Variants in TAFA1 observed in about 807,000 individuals in gnomAD.
The protein encoded by TAFA1 is TAFA chemokine like family member 1, also known as chemokine-like protein TAFA-1.
TAFA1 carries 4 observed loss-of-function variants against 18.5 expected under a neutral mutation model. That is an observed-to-expected ratio of 0.22 (90% CI 0.11 to 0.49). The LOEUF (loss-of-function observed/expected upper bound fraction) is 0.49. TAFA1 is among the 20% of genes least tolerant of loss of function. TAFA1 has a pLI of 0.98. For synonymous variants in TAFA1, 56 were observed against 55.2 expected (o/e 1.01, Z -0.06); for missense variants, 147 against 169.0 (o/e 0.87, Z 0.72).
At chr3:68,259,558 C>A (rs916296434) in intron 2 of TAFA1, among the ~76,000 whole-genome samples, 1 of 152,108 alleles carries the variant, frequency 6.6e-6, no homozygotes, top group Non-Finnish European at 1.5e-5. Context: ...ATTGATTATT[C>A]CTACCCATGA....
At chr3:68,238,703 TA>T (rs1298552511) in intron 2 of TAFA1, among the ~76,000 whole-genome samples, 2 of 152,198 alleles carry the variant, frequency 1.3e-5, no homozygotes, top group Non-Finnish European at 2.9e-5. Flanking sequence ...AGTTTTGTAA[TA>T]TCTTAACAGA....
intron 3 of TAFA1, among the ~76,000 whole-genome samples, chr3:68,521,854 C>CTTTTTTTTTT (rs1171497150): frequency 3.8e-5 from 1 of 26,092 alleles, no homozygotes; most frequent in Non-Finnish European, 7.4e-5. Flanking sequence ...GTGTTTTTTT[C>CTTTTTTTTTT]TGTTTTTTTT....
chr3:68,012,311 G>A (rs1704488210), intron 2 of TAFA1, among the ~76,000 whole-genome samples: 1 of 152,176 alleles, frequency 6.6e-6, no homozygotes, highest in Non-Finnish European at 1.5e-5. Flanking sequence ...TGCAACAATG[G>A]TTTTAATGGC....
intron 2 of TAFA1, among the ~76,000 whole-genome samples, chr3:68,291,504 G>A (rs565007831): frequency 5.1e-4 from 77 of 152,234 alleles, no homozygotes; most frequent in Admixed American, 3.4e-3. Context: ...GAGCTATTAA[G>A]TGGTGGAGGG....
chr3:68,277,521 C>T lies in TAFA1; in HGVS notation c.119-139759C>T, dbSNP rs576637909. On this transcript the variant is annotated intron_variant, in intron 2 of 4. Transcript: ENST00000478136. ...AGGAAAAAAAAAGGCAGGTGCTCCC[C>T]GAATCTGAGCTCATAAAAGAGCTTT... 1.1e-4 allele frequency among the ~76,000 whole-genome samples: 17 copies of T among 152,218 alleles called. No homozygotes were observed. In the South Asian group the frequency reaches 3.1e-3, roughly 28 times the overall value.
chr3:68,280,203 G>A (rs573422832), intron 2 of TAFA1, among the ~76,000 whole-genome samples: 5 of 152,186 alleles, frequency 3.3e-5, no homozygotes, highest in East Asian at 3.9e-4. Flanking sequence ...TTTAAAAGGG[G>A]GAACTGAGAC....
intron 3 of TAFA1, among the ~76,000 whole-genome samples, chr3:68,478,001 T>A (rs1422869996): frequency 6.6e-6 from 1 of 152,170 alleles, no homozygotes; most frequent in Non-Finnish European, 1.5e-5. Flanking sequence ...ATTTGGAGCC[T>A]GTGCTTTGTC....
chr3:68,196,259 A>C (rs1321549838), intron 2 of TAFA1, among the ~76,000 whole-genome samples: 1 of 151,818 alleles, frequency 6.6e-6, no homozygotes, highest in East Asian at 1.9e-4. Context: ...TAGTATGTTC[A>C]TACCAATGGG....
At chr3:68,272,908 A>G (rs922325807) in intron 2 of TAFA1, among the ~76,000 whole-genome samples, 1 of 152,246 alleles carries the variant, frequency 6.6e-6, no homozygotes, top group Middle Eastern at 3.4e-3. Context: ...TTGAATTCAA[A>G]TCCCATTCTT....
intron 3 of TAFA1, among the ~76,000 whole-genome samples, chr3:68,516,896 C>T (rs900751413): frequency 5.3e-5 from 8 of 152,126 alleles, no homozygotes; most frequent in African/African-American, 1.7e-4. Context: ...GCCTCAGTCT[C>T]CCGAGTAGCT....
the TAFA1 span, among the ~76,000 whole-genome samples, chr3:67,995,395 T>G: frequency 6.6e-6 from 1 of 152,122 alleles, no homozygotes. Flanking sequence ...CATTTAGAGT[T>G]TTAAAAACTC....
At chr3:68,303,857 C>A (rs182122274) in intron 2 of TAFA1, among the ~76,000 whole-genome samples, 101 of 152,132 alleles carry the variant, frequency 6.6e-4, no homozygotes, top group African/African-American at 2.3e-3. Context: ...AACCGCAGCC[C>A]TTTTCCTTAT....
chr3:68,041,349 T>C (rs1483179266), intron 2 of TAFA1, among the ~76,000 whole-genome samples: 1 of 152,240 alleles, frequency 6.6e-6, no homozygotes, highest in Non-Finnish European at 1.5e-5. Flanking sequence ...CAAGAGTTTA[T>C]GCATGGATTA....
intron 2 of TAFA1, among the ~76,000 whole-genome samples, chr3:68,215,030 A>G (rs1203986744): frequency 1.3e-5 from 2 of 152,030 alleles, no homozygotes; most frequent in African/African-American, 4.8e-5. Flanking sequence ...AATCATATCA[A>G]TATAAAGCTC....
At position 68,542,066 on chromosome 3, in the gene TAFA1, C is replaced by A. The variant is rs551370450; in HGVS notation, c.385-2420C>A. Among the ~76,000 whole-genome samples the A allele has an allele frequency of 5.9e-5, 9 of 152,148 alleles. 1 individual carries two copies. Among genetic ancestry groups the A allele is most frequent in the African/African-American group, 2.2e-4 (9 of 41,526 alleles). ...CAATGGATCTGAGTGATATTATTAC[C>A]CCAGAAGGAAGGAGAAAATATAGGT... On this transcript the variant is annotated intron_variant, in intron 4 of 4. Coordinates refer to ENST00000478136, the MANE Select transcript of TAFA1 (RefSeq NM_213609.4).
At chr3:68,296,833 C>T (rs1005397710) in intron 2 of TAFA1, among the ~76,000 whole-genome samples, 1 of 152,142 alleles carries the variant, frequency 6.6e-6, no homozygotes. Context: ...CTGGGGAGAC[C>T]TGTTCATCAA....
At chr3:68,265,163 T>C (rs1204189623) in intron 2 of TAFA1, among the ~76,000 whole-genome samples, 5 of 152,236 alleles carry the variant, frequency 3.3e-5, no homozygotes, top group African/African-American at 9.6e-5. Context: ...AAGCTCTTTT[T>C]AAAATAATTT....
chr3:68,005,816 G>A (rs17047115), intron 1 of TAFA1, among the ~76,000 whole-genome samples: 2,734 of 152,222 alleles, frequency 0.018, 86 homozygotes, highest in African/African-American at 0.062. Flanking sequence ...AATATATAGC[G>A]CAGTTGAGCC....
At chr3:68,529,342 T>C (rs2073154217) in intron 3 of TAFA1, among the ~76,000 whole-genome samples, 1 of 150,930 alleles carries the variant, frequency 6.6e-6, no homozygotes, top group Non-Finnish European at 1.5e-5. Flanking sequence ...ATCTGCTTCT[T>C]CTTCCATCTT....
Sources: gnomAD v4.1 joint callset for allele counts (sites outside exome capture counted in the v4.1 genomes callset) on GRCh38, gnomAD v4.1.1 for gene constraint, MANE v1.5 for transcripts, NCBI Gene and HGNC (gene_info 2026-07-23, HGNC 2026-07-21) for gene names.